SCN2A: variants seen among roughly 807,000 people sequenced by gnomAD.
SCN2A encodes the protein sodium channel protein type 2 subunit alpha.
Under a neutral mutation model 188.7 loss-of-function variants are expected in SCN2A, and 20 were observed. The ratio of observed to expected loss-of-function variants is 0.11; its 90% confidence interval spans 0.07 to 0.15. The LOEUF (loss-of-function observed/expected upper bound fraction) is 0.15, where lower values mean the gene tolerates loss of function less well. Ranked by LOEUF, SCN2A falls within the 10% of genes least tolerant of loss-of-function variation. The pLI is 1.00. For synonymous variants in SCN2A, 804 were observed against 833.1 expected, an observed-to-expected ratio of 0.97 and a Z score of 0.60; for missense variants, 1,278 against 2,445.0, an observed-to-expected ratio of 0.52 and a Z score of 10.07.
intron 14 of SCN2A, among the ~76,000 whole-genome samples, chr2:165,341,331 G>T (rs954283949): frequency 6.6e-6 from 1 of 151,522 alleles, no homozygotes; most frequent in Non-Finnish European, 1.5e-5. Context: ...CTGACCTCGT[G>T]ATCTGCCCAC....
At chr2:165,256,086 A>G (rs1694311852) in intron 1 of SCN2A, among the ~76,000 whole-genome samples, 1 of 141,720 alleles carries the variant, frequency 7.1e-6, no homozygotes, top group Non-Finnish European at 1.5e-5. Flanking sequence ...GCTCACTACA[A>G]CCTCCGCCTC....
At chr2:165,327,406 T>C (rs1302694879) in intron 13 of SCN2A, 1 of 199,554 alleles carries the variant, frequency 5.0e-6, no homozygotes, top group African/African-American at 2.4e-5. Context: ...GGGTTTGATA[T>C]TAACTTCCTT....
intron 1 of SCN2A, among the ~76,000 whole-genome samples, chr2:165,291,352 GTTCCTTCCTTCC>G (rs756578383): frequency 0.17 from 9,303 of 55,564 alleles, 667 homozygotes; most frequent in East Asian, 0.29. Context: ...TCTGTCGTTC[GTTCCTTCCTTCC>G]TTCCTTCCTT....
chr2:165,364,295 A>G (rs1265209558), intron 17 of SCN2A, among the ~76,000 whole-genome samples: 2 of 152,180 alleles, frequency 1.3e-5, no homozygotes, highest in Non-Finnish European at 2.9e-5. Context: ...GCATTTTAAG[A>G]CCAGGTTAAA....
intron 14 of SCN2A, among the ~76,000 whole-genome samples, chr2:165,332,315 C>T (rs1409024531): frequency 6.6e-6 from 1 of 151,836 alleles, no homozygotes; most frequent in African/African-American, 2.4e-5. Context: ...TTTTTAGGCT[C>T]TGAAGTAACC....
chr2:165,269,557 G>T (rs1054752632), intron 1 of SCN2A: 5 of 151,934 alleles, frequency 3.3e-5, no homozygotes, highest in Non-Finnish European at 7.4e-5. Flanking sequence ...TTGAATTAAT[G>T]AAATATACAC....
intron 1 of SCN2A, chr2:165,267,764 T>TAAC (rs1219269998): frequency 1.3e-5 from 2 of 151,722 alleles, no homozygotes; most frequent in East Asian, 3.9e-4. Context: ...ATAATAATAA[T>TAAC]AACCTGATTA....
intron 1 of SCN2A, chr2:165,269,168 T>C (rs369663730): frequency 4.6e-5 from 7 of 152,202 alleles, no homozygotes; most frequent in Middle Eastern, 3.4e-3. Flanking sequence ...CACCAAAATA[T>C]AAATATCTGA....
At chr2:165,271,669 C>T (rs915046006) in intron 1 of SCN2A, 2 of 152,066 alleles carry the variant, frequency 1.3e-5, no homozygotes, top group South Asian at 4.1e-4. Context: ...GGCAACTGCT[C>T]CAATTAAGAT....
At chr2:165,363,677 A>C (rs1183244250) in intron 17 of SCN2A, among the ~76,000 whole-genome samples, 1 of 152,160 alleles carries the variant, frequency 6.6e-6, no homozygotes. Context: ...AATATATTCA[A>C]ATTTTAATGA....
At position 165,297,181 on chromosome 2, in the gene SCN2A, C is replaced by A. The variant is rs142876820; in HGVS notation, c.386+46C>A. ...ACTTAATATGATTTTCTTCTTTGAC[C>A]AAGTTATTGAGCTACACATTTTCCA... On this transcript the variant is annotated intron_variant, in intron 3 of 26. Coordinates refer to ENST00000375437, the MANE Select transcript of SCN2A (RefSeq NM_001040142.2). The A allele has an allele frequency of 1.2e-3, 1,353 of 1,143,244 alleles. 13 individuals are homozygous for A. In the African/African-American group the frequency reaches 0.018, roughly 15 times the overall value. 70.8% of individuals were successfully genotyped at this position (1,143,244 alleles called of 1,614,324 possible).
At chr2:165,349,186 A>G (rs960209128) in intron 16 of SCN2A, among the ~76,000 whole-genome samples, 1 of 152,256 alleles carries the variant, frequency 6.6e-6, no homozygotes, top group African/African-American at 2.4e-5. Context: ...TGTTGGAAGA[A>G]GAAAAGAAAA....
intron 17 of SCN2A, among the ~76,000 whole-genome samples, chr2:165,355,285 G>A (rs1333471688): frequency 6.6e-6 from 1 of 152,072 alleles, no homozygotes; most frequent in Non-Finnish European, 1.5e-5. Flanking sequence ...AGTGTTCACT[G>A]TTTAAAGAAA....
Position 165,381,181 on chromosome 2 carries a change from C to T in SCN2A, c.4535C>T (p.Pro1512Leu). Residue 1512 changes from proline (P) to leucine (L), a missense_variant, in exon 25 of 27, where the codon CCC (proline) becomes CTC (leucine). Physicochemically the swap from Pro to Leu is moderately conservative, Grantham distance 98 (BLOSUM62 -3). Coordinates refer to ENST00000375437, the MANE Select transcript of SCN2A (RefSeq NM_001040142.2). ...KKLGSKKPQK[P>L]IPRPANKFQG... is the part of the protein sequence containing the mutation. ...CTGGGTTCAAAGAAACCACAAAAAC[C>T]CATACCTCGACCTGCTGTAAGAATA... 6.3e-7 allele frequency: 1 copy of T among 1,581,092 alleles called. No individual in the cohort carries two copies. The highest frequency in any genetic ancestry group is 8.6e-7 in the Non-Finnish European group (1 of 1,160,732).
chr2:165,315,399 T>G lies in SCN2A; in HGVS notation c.1384-72T>G. 4 of 1,597,134 alleles carry G rather than the reference T, an allele frequency of 2.5e-6. No individual in the cohort carries two copies. In the Admixed American group the frequency reaches 6.9e-5, roughly 28 times the overall value. ...AAGATTATCTTCATGATATTGAAGC[T>G]CAATTAAGCAGTAACATGATAATTA... On this transcript the variant is annotated intron_variant, in intron 10 of 26. Coordinates refer to ENST00000375437, the MANE Select transcript of SCN2A (RefSeq NM_001040142.2).
chr2:165,389,017 C>A lies in SCN2A; in HGVS notation c.5211C>A (p.His1737Gln). 1 of 1,614,098 alleles carries A rather than the reference C, an allele frequency of 6.2e-7. No homozygotes were observed. Among genetic ancestry groups the A allele is most frequent in the Non-Finnish European group, 8.5e-7 (1 of 1,179,994 alleles). Reference sequence around the variant, plus strand: ...CAGACTGTGACCCTGACAAAGATCACCCTGGAAGCTCAGTTAAAGGAGACT... The same window carrying A: ...CAGACTGTGACCCTGACAAAGATCAACCTGGAAGCTCAGTTAAAGGAGACT... ...GPPDCDPDKDHPGSSVKGDCG... is the reference protein window; with the variant it reads ...GPPDCDPDKDQPGSSVKGDCG... Residue 1737 changes from histidine (H) to glutamine (Q), a missense_variant, in exon 27 of 27, where the codon CAC becomes CAA. By Grantham distance (24) the His-to-Gln change is conservative (BLOSUM62 0). This residue lies in a region of SCN2A where 47 missense variants were observed against 109.0 expected (regional missense o/e 0.43). Transcript: ENST00000375437. This position sits in a 1 kb window ranked among gnomAD's most constrained non-coding sequence, Gnocchi z 4.2.
chr2:165,357,119 A>C (rs1168851743), intron 17 of SCN2A, among the ~76,000 whole-genome samples: 1 of 152,222 alleles, frequency 6.6e-6, no homozygotes, highest in Non-Finnish European at 1.5e-5. Context: ...TTTATAAAAT[A>C]ATAAATGATG....
chr2:165,304,846 G>A (rs1446971414), intron 3 of SCN2A, among the ~76,000 whole-genome samples: 3 of 152,152 alleles, frequency 2.0e-5, no homozygotes, highest in Admixed American at 6.5e-5. Context: ...ACCTCCTAGC[G>A]TCTTGACTCT....
rs1480769801 is a variant in SCN2A, at chr2:165,392,146, C to T, written c.*2322C>T. 1 of 152,434 alleles carries T rather than the reference C, an allele frequency of 6.6e-6. No homozygotes were observed. The highest frequency in any genetic ancestry group is 1.5e-5 in the Non-Finnish European group (1 of 67,976). 9.4% of individuals were successfully genotyped at this position (152,434 alleles called of 1,614,324 possible). On this transcript the variant is annotated 3_prime_UTR_variant, in exon 27 of 27. Coordinates refer to ENST00000375437, the MANE Select transcript of SCN2A (RefSeq NM_001040142.2). ...ATCTGAAAAACAAATGTAAAGAACA[C>T]ACATTAATTACTATAATTCATCTTT...
Sources: allele counts gnomAD v4.1 joint callset (sites outside exome capture counted in the v4.1 genomes callset), GRCh38; gene constraint gnomAD v4.1.1; regional missense constraint gnomAD v4.1.1; non-coding constraint Gnocchi (gnomAD v3.1); transcripts MANE v1.5; gene names NCBI Gene and HGNC (gene_info 2026-07-23, HGNC 2026-07-21).